The following PODNL1 variants were observed in gnomAD, a reference collection of about 807,000 sequenced individuals.
The protein encoded by PODNL1 is podocan-like protein 1.
Under a neutral mutation model 45.1 loss-of-function variants are expected in PODNL1, and 50 were observed. The ratio of observed to expected loss-of-function variants is 1.11; its 90% CI spans 0.88 to 1.40. The LOEUF is 1.40. PODNL1 is among the 40% of genes most tolerant of loss of function. PODNL1 has a pLI of 0.00. For missense variants in PODNL1, 788 were observed against 793.3 expected (o/e 0.99, Z 0.08); for synonymous variants, 406 against 372.5 (o/e 1.09, Z -1.04).
chr19:13,938,247 G>A lies in PODNL1; in HGVS notation c.-66C>T, dbSNP rs367639418. On this transcript the variant is annotated 5_prime_UTR_variant, in exon 1 of 10. Transcript: ENST00000588872. Reference sequence around the variant, plus strand: ...AGGACTTCCTAATGGAAACCAGGCGGTCACCTCCTGGAGCCTCTGCTGTGG... The same window carrying A: ...AGGACTTCCTAATGGAAACCAGGCGATCACCTCCTGGAGCCTCTGCTGTGG... 1.9e-6 allele frequency: 3 copies of A among 1,578,808 alleles called. No individual in the cohort carries two copies. The South Asian group carries it at 3.5e-5, about 19-fold the overall frequency.
chr19:13,938,541 GGAC>G, upstream of PODNL1: 1 of 1,027,634 alleles, frequency 9.7e-7, no homozygotes, highest in South Asian at 4.2e-5. Context: ...CTGGTATTTG[GGAC>G]GACCGCAGGA....
intron 1 of PODNL1, among the ~76,000 whole-genome samples, chr19:13,946,911 C>T (rs1048098803): frequency 4.0e-5 from 6 of 150,708 alleles, no homozygotes; most frequent in African/African-American, 7.3e-5. Flanking sequence ...ATTAGCTGGC[C>T]GTGGTGGTAC....
At chr19:13,941,436 C>T (rs1057144676), upstream of PODNL1, among the ~76,000 whole-genome samples, 1 of 151,786 alleles carries the variant, frequency 6.6e-6, no homozygotes, top group African/African-American at 2.4e-5. Flanking sequence ...TTGGAGTCTC[C>T]CAGAAGCAGA....
rs1972180294 is a variant in PODNL1, at chr19:13,934,381, C to T, written c.524G>A (p.Ser175Asn). The T allele has an allele frequency of 1.9e-6, 3 of 1,549,064 alleles. No individual in the cohort carries two copies. Among genetic ancestry groups the T allele is most frequent in the East Asian group, 4.7e-5 (2 of 43,010 alleles). ...RSVYLHNNQL[S>N]NAGLPPDAFR... The stretch of plus-strand genomic sequence containing the variant: ...GGCGTCGGGGGGCAGGCCAGCGTTG[C>T]TCAGCTGGTTGTTGTGGAGGTACAC... The change falls in exon 6 of 10, where the codon AGC (serine) becomes AAC (asparagine). Residue 175 changes from serine (S) to asparagine (N), a missense_variant. Coordinates refer to ENST00000588872, the MANE Select transcript of PODNL1 (RefSeq NM_001370095.3).
At chr19:13,932,161 ACTCAG>A (rs1425902158) in intron 8 of PODNL1, 49 bp from the exon 9 acceptor site, 13 of 1,235,274 alleles carry the variant, frequency 1.1e-5, no homozygotes, top group African/African-American at 9.3e-5. Flanking sequence ...GGCCTGGGCC[ACTCAG>A]CTCAGCCAGC....
upstream of PODNL1, among the ~76,000 whole-genome samples, chr19:13,941,081 G>A (rs1415872985): frequency 6.6e-6 from 1 of 151,684 alleles, no homozygotes; most frequent in Non-Finnish European, 1.5e-5. Context: ...AAAGTATAGT[G>A]TCGGCCAAGG....
Position 13,931,403 on chromosome 19 carries a change from CCCA to C in PODNL1, c.*331_*333del, listed in dbSNP as rs1326329047. 1 of 264,542 alleles carries C rather than the reference CCCA, an allele frequency of 3.8e-6. No homozygotes were observed. Among genetic ancestry groups the C allele is most frequent in the Non-Finnish European group, 7.1e-6 (1 of 141,050 alleles). The allele number at this position is 264,542 out of a possible 1,614,324, so 16.4% of individuals were successfully genotyped here. ...CTTAGCATCCCAGAGCCTCAGTTTC[CCCA>C]GCTGGACTGGTTGTGGGGAGGAGTC... On this transcript the variant is annotated 3_prime_UTR_variant, in exon 10 of 10. Coordinates refer to ENST00000588872, the MANE Select transcript of PODNL1 (RefSeq NM_001370095.3).
intron 8 of PODNL1, chr19:13,932,418 G>A (rs1431042727): frequency 8.9e-6 from 5 of 562,524 alleles, no homozygotes; most frequent in Non-Finnish European, 1.5e-5. Flanking sequence ...CTAGAGGGCA[G>A]TGGCCCGATC....
chr19:13,934,649 AGT>A (rs1261591266), intron 5 of PODNL1, among the ~76,000 whole-genome samples: 2 of 150,920 alleles, frequency 1.3e-5, no homozygotes, highest in South Asian at 4.2e-4. Context: ...ATGTGTGAGC[AGT>A]GTGCATGTGT....
chr19:13,931,904 T>A lies in PODNL1; in HGVS notation c.1575-17A>T. On this transcript the variant is annotated splice_polypyrimidine_tract_variant and intron_variant, in intron 9 of 9. Coordinates refer to ENST00000588872, the MANE Select transcript of PODNL1 (RefSeq NM_001370095.3). ...CTGTTGGCCCTGCACAGAGAGGCGG[T>A]CATGACCCTCCCAGGCCCTCCCCTG... The A allele has an allele frequency of 8.1e-7, 1 of 1,231,958 alleles. No individual in the cohort carries two copies. 76.3% of individuals were successfully genotyped at this position (1,231,958 alleles called of 1,614,324 possible).
At chr19:13,952,533 G>C (rs973965549) in intron 1 of PODNL1, 1 of 1,250,470 alleles carries the variant, frequency 8.0e-7, no homozygotes, top group Non-Finnish European at 1.0e-6. Context: ...GCTCGAAATC[G>C]GAGCGGAACA....
chr19:13,934,036 G>A, intron 6 of PODNL1, 43 bp from the exon 7 acceptor site: 1 of 1,536,182 alleles, frequency 6.5e-7, no homozygotes, highest in Admixed American at 1.9e-5. Flanking sequence ...CTGGGATGAG[G>A]GCAGCGGGAA....
Position 13,932,044 on chromosome 19 carries a change from C to T in PODNL1, c.1494G>A (p.Leu498=). The T allele has an allele frequency of 8.1e-7, 1 of 1,232,400 alleles. No homozygotes were observed. The highest frequency in any genetic ancestry group is 1.0e-6 in the Non-Finnish European group (1 of 988,140). The allele number at this position is 1,232,400 out of a possible 1,614,324, so 76.3% of individuals were successfully genotyped here. A position where few individuals can be genotyped will look rare whatever the true frequency, so the allele number is the denominator to read the frequency against. Residue 498 remains leucine (L), a synonymous_variant, in exon 9 of 10, where the codon CTG becomes CTA. Transcript: ENST00000588872. ...GGCCGATGCGGTTGCCCTCGAGGTG[C>T]AGCTCCTCTAGGGCCTCAGGCAGGT... The part of the protein sequence containing the change: ...PPDLPEALEE[L]HLEGNRIGHV...
chr19:13,934,500 T>G (rs891531989), intron 5 of PODNL1, 90 bp from the exon 6 acceptor site: 2 of 433,810 alleles, frequency 4.6e-6, no homozygotes, highest in Non-Finnish European at 6.6e-6. Context: ...TCGCCTTCAG[T>G]GTGTGTGTGT....
chr19:13,932,523 G>A, intron 8 of PODNL1: 1 of 781,840 alleles, frequency 1.3e-6, no homozygotes. Flanking sequence ...CACCACGCTT[G>A]GCTATGTTTT....
chr19:13,950,813 G>T (rs1237965271), intron 1 of PODNL1, among the ~76,000 whole-genome samples: 2 of 152,106 alleles, frequency 1.3e-5, no homozygotes. Flanking sequence ...GGGAGGGTGA[G>T]GTGGGTGGAT....
intron 1 of PODNL1, among the ~76,000 whole-genome samples, chr19:13,952,292 G>A (rs2145477137): frequency 6.6e-6 from 1 of 152,390 alleles, no homozygotes; most frequent in African/African-American, 2.4e-5. Flanking sequence ...GGACCTCCGA[G>A]TGGTACGTCC....
chr19:13,935,850 A>T lies in PODNL1; in HGVS notation c.385-20T>A. The T allele has an allele frequency of 1.3e-6, 2 of 1,594,692 alleles. No individual in the cohort carries two copies. The highest frequency in any genetic ancestry group is 1.3e-5 in the African/African-American group (1 of 74,572). On this transcript the variant is annotated intron_variant, in intron 4 of 9. Coordinates refer to ENST00000588872, the MANE Select transcript of PODNL1 (RefSeq NM_001370095.3). ...TGAGAGCTGTGGGGACACAGCCCAC[A>T]GCCGGACTGGTCCTGGTGCGCCTTG...
intron 5 of PODNL1, among the ~76,000 whole-genome samples, chr19:13,934,799 A>T (rs534397496): frequency 3.4e-4 from 52 of 151,516 alleles, no homozygotes; most frequent in African/African-American, 1.2e-3. Context: ...GAGTGTGTGC[A>T]TGTGATTGTA....
Sources: allele counts gnomAD v4.1 joint callset (sites outside exome capture counted in the v4.1 genomes callset), GRCh38; gene constraint gnomAD v4.1.1; transcripts MANE v1.5; gene names NCBI Gene and HGNC (gene_info 2026-07-23, HGNC 2026-07-21).